MECOM: variants seen among roughly 807,000 people sequenced by gnomAD.
MECOM encodes MDS1 and EVI1 complex locus, also known as histone-lysine N-methyltransferase MECOM.
A neutral mutation model predicts 116.3 loss-of-function variants in MECOM; 13 were observed. The ratio of observed to expected loss-of-function variants is 0.11; its 90% CI spans 0.07 to 0.18. The LOEUF (loss-of-function observed/expected upper bound fraction) is 0.18. Among genes scored for constraint, MECOM ranks in the 10% least tolerant of loss-of-function variants. The pLI is 1.00. For synonymous variants in MECOM, 528 were observed against 535.2 expected (o/e 0.99, Z 0.19); for missense variants, 1,299 against 1,509.0 (o/e 0.86, Z 2.31).
At chr3:169,485,913 ATGTATATATAG>A (rs1752132251) in intron 1 of MECOM, among the ~76,000 whole-genome samples, 1 of 66,324 alleles carries the variant, frequency 1.5e-5, no homozygotes, top group Non-Finnish European at 2.8e-5. Flanking sequence ...GTATATATGT[ATGTATATATAG>A]TATATATAGT....
intron 8 of MECOM, among the ~76,000 whole-genome samples, chr3:169,114,684 T>C (rs901987424): frequency 1.3e-5 from 2 of 152,144 alleles, no homozygotes; most frequent in African/African-American, 4.8e-5. Flanking sequence ...TAAAGAAAAC[T>C]AGTATTTTAA....
intron 2 of MECOM, among the ~76,000 whole-genome samples, chr3:169,155,723 A>T (rs989385562): frequency 6.6e-6 from 1 of 152,074 alleles, no homozygotes; most frequent in Non-Finnish European, 1.5e-5. Context: ...TTCTAGGCCC[A>T]TTTCCTGCTT....
intron 2 of MECOM, among the ~76,000 whole-genome samples, chr3:169,316,940 T>C (rs558984825): frequency 1.4e-4 from 21 of 152,346 alleles, no homozygotes; most frequent in African/African-American, 4.8e-4. Flanking sequence ...TTTACATCTG[T>C]CTATCTTAGA....
At position 169,441,744 on chromosome 3, in the gene MECOM, T is replaced by TTTTTTTTTTTTTTTTTTTTTTTTG. The variant is rs1237906532; in HGVS notation, c.38-60221_38-60220insCAAAAAAAAAAAAAAAAAAAAAAA. ...TCTTCTCTTCTTTTTTTTTTTTTTTTAAAAAAGGGGGGGTCTTGCTCTGTC... is the reference window on the plus strand; with the variant it reads ...TCTTCTCTTCTTTTTTTTTTTTTTTTTTTTTTTTTTTTTTTTTTTTTTTGAAAAAAGGGGGGGTCTTGCTCTGTC... On this transcript the variant is annotated intron_variant, in intron 1 of 16. Transcript: ENST00000651503. 1.1e-4 allele frequency among the ~76,000 whole-genome samples: 15 copies of TTTTTTTTTTTTTTTTTTTTTTTTG among 142,016 alleles called. 2 individuals are homozygous for TTTTTTTTTTTTTTTTTTTTTTTTG. Among genetic ancestry groups the TTTTTTTTTTTTTTTTTTTTTTTTG allele is most frequent in the East Asian group, 2.1e-4 (1 of 4,682 alleles). 93.2% of individuals were successfully genotyped at this position (142,016 alleles called of 152,430 possible).
chr3:169,299,082 G>C (rs970777381), intron 2 of MECOM, among the ~76,000 whole-genome samples: 2 of 152,122 alleles, frequency 1.3e-5, no homozygotes, highest in African/African-American at 4.8e-5. Context: ...GACAGTTAAA[G>C]GGAAAATTGC....
At chr3:169,272,215 A>T (rs746044156) in intron 2 of MECOM, among the ~76,000 whole-genome samples, 1 of 152,152 alleles carries the variant, frequency 6.6e-6, no homozygotes, top group African/African-American at 2.4e-5. Context: ...CTCTCCTGAG[A>T]CTCATGAAAG....
intron 1 of MECOM, among the ~76,000 whole-genome samples, chr3:169,435,540 C>T (rs922114270): frequency 2.6e-5 from 4 of 152,142 alleles, no homozygotes; most frequent in Admixed American, 2.0e-4. Context: ...TCCAAAATAA[C>T]CTACCTTAGG....
At chr3:169,458,117 C>G (rs947484618) in intron 1 of MECOM, among the ~76,000 whole-genome samples, 2 of 152,128 alleles carry the variant, frequency 1.3e-5, no homozygotes, top group African/African-American at 4.8e-5. Flanking sequence ...GGATAAATTG[C>G]CATGTGCTAA....
intron 2 of MECOM, among the ~76,000 whole-genome samples, chr3:169,205,240 C>T (rs1025941586): frequency 3.3e-5 from 5 of 152,092 alleles, no homozygotes; most frequent in Non-Finnish European, 2.9e-5. Flanking sequence ...ATAATGGAAA[C>T]GCTGACAGAC....
chr3:169,446,804 G>A (rs1024485629), intron 1 of MECOM, among the ~76,000 whole-genome samples: 2 of 152,162 alleles, frequency 1.3e-5, no homozygotes, highest in African/African-American at 4.8e-5. Flanking sequence ...ACCCAAGTCT[G>A]CCTGATTCAA....
intron 1 of MECOM, among the ~76,000 whole-genome samples, chr3:169,598,386 A>G (rs764753051): frequency 2.0e-5 from 3 of 152,276 alleles, no homozygotes; most frequent in Non-Finnish European, 2.9e-5. Context: ...AAATTTTTCA[A>G]AAATATACAT....
rs140959573 is a variant in MECOM, at chr3:169,472,533, A to G, written c.38-91009T>C. Among the ~76,000 whole-genome samples the G allele has an allele frequency of 2.9e-3, 243 of 84,944 alleles. 9 individuals carry two copies. The highest frequency in any genetic ancestry group is 6.4e-3 in the African/African-American group (105 of 16,424). The allele number at this position is 84,944 out of a possible 152,430, so 55.7% of individuals were successfully genotyped here. A position where few individuals can be genotyped will look rare whatever the true frequency, so the allele number is the denominator to read the frequency against. On this transcript the variant is annotated intron_variant, in intron 1 of 16. Coordinates refer to ENST00000651503, the MANE Select transcript of MECOM (RefSeq NM_004991.4). ...GAAAGGAAAGGAAAGAAAAGAAAAG[A>G]AAAGGAAAGGAAAGGAAAAGAAAAG...
chr3:169,642,565 G>A (rs1773633746), intron 1 of MECOM, among the ~76,000 whole-genome samples: 1 of 151,264 alleles, frequency 6.6e-6, no homozygotes, highest in Non-Finnish European at 1.5e-5. Flanking sequence ...AAAGTAAAGA[G>A]CAGTTCAGAG....
chr3:169,433,690 A>AAAGAAAGG (rs35878346), intron 1 of MECOM, among the ~76,000 whole-genome samples: 3 of 90,404 alleles, frequency 3.3e-5, no homozygotes, highest in South Asian at 3.7e-4. Flanking sequence ...AGAAAGAAAG[A>AAAGAAAGG]GAAAGAAAGA....
chr3:169,090,356 T>C (rs1048517794), intron 14 of MECOM, 120 bp from the exon 15 acceptor site: 1 of 863,088 alleles, frequency 1.2e-6, no homozygotes, highest in Admixed American at 2.8e-5. Flanking sequence ...ATCGGAAATG[T>C]TTTATTGTTT....
At chr3:169,309,905 G>C (rs1459169162) in intron 2 of MECOM, among the ~76,000 whole-genome samples, 1 of 152,210 alleles carries the variant, frequency 6.6e-6, no homozygotes, top group Non-Finnish European at 1.5e-5. Flanking sequence ...GTGATGCTAT[G>C]AAGTGCCTTA....
chr3:169,253,642 T>TAC (rs1429016088), intron 2 of MECOM, among the ~76,000 whole-genome samples: 2 of 152,172 alleles, frequency 1.3e-5, no homozygotes, highest in Admixed American at 1.3e-4. Flanking sequence ...CATCTATATA[T>TAC]ACTTCATATG....
intron 2 of MECOM, among the ~76,000 whole-genome samples, chr3:169,172,877 A>G (rs1038455707): frequency 6.6e-6 from 1 of 152,158 alleles, no homozygotes; most frequent in African/African-American, 2.4e-5. Context: ...ATAAGGTCCC[A>G]ATGCTTGTCT....
intron 9 of MECOM, 106 bp downstream of exon 9, chr3:169,112,681 A>G (rs1377976438): frequency 5.8e-6 from 5 of 862,196 alleles, no homozygotes; most frequent in Non-Finnish European, 7.4e-6. Flanking sequence ...CACCAGCGTC[A>G]TAGGAAATCC....
Sources: allele counts gnomAD v4.1 joint callset (sites outside exome capture counted in the v4.1 genomes callset), GRCh38; gene constraint gnomAD v4.1.1; transcripts MANE v1.5; gene names NCBI Gene and HGNC (gene_info 2026-07-23, HGNC 2026-07-21).